SYT1: variants seen among roughly 807,000 people sequenced by gnomAD.
The protein encoded by SYT1 is synaptotagmin-1.
SYT1 carries 8 observed loss-of-function variants against 44.8 expected under a neutral mutation model. The observed-to-expected ratio is 0.18, with a 90% CI of 0.10 to 0.32. The LOEUF (loss-of-function observed/expected upper bound fraction) is 0.32, where lower values mean the gene tolerates loss of function less well. SYT1 is among the 10% of genes least tolerant of loss of function. SYT1 has a pLI of 1.00. For synonymous variants in SYT1, 154 were observed against 188.8 expected (o/e 0.82, Z 1.51); for missense variants, 286 against 509.3 (o/e 0.56, Z 4.22).
chr12:79,083,690 A>C (rs1877190684), intron 3 of SYT1, among the ~76,000 whole-genome samples: 1 of 152,294 alleles, frequency 6.6e-6, no homozygotes, highest in African/African-American at 2.4e-5. Flanking sequence ...GTTTATATAG[A>C]TATCCATATT....
intron 4 of SYT1, among the ~76,000 whole-genome samples, chr12:79,240,365 G>A (rs1161365247): frequency 3.3e-5 from 5 of 152,106 alleles, no homozygotes; most frequent in Non-Finnish European, 7.4e-5. Context: ...TCTTTTTGGT[G>A]TCATTCCATT....
intron 4 of SYT1, among the ~76,000 whole-genome samples, chr12:79,279,107 C>G (rs938422600): frequency 6.6e-6 from 1 of 151,502 alleles, no homozygotes; most frequent in African/African-American, 2.4e-5. Flanking sequence ...TCAATCCTAC[C>G]GAAACTACTC....
intron 4 of SYT1, among the ~76,000 whole-genome samples, chr12:79,225,431 C>T (rs922835109): frequency 6.6e-6 from 1 of 152,148 alleles, no homozygotes; most frequent in African/African-American, 2.4e-5. Flanking sequence ...ACATCGAACA[C>T]TAGAATGGGA....
chr12:78,942,812 G>A (rs980794047), intron 1 of SYT1, among the ~76,000 whole-genome samples: 7 of 152,096 alleles, frequency 4.6e-5, no homozygotes, highest in Non-Finnish European at 8.8e-5. Context: ...GCCGAGGGTC[G>A]ACAGAAAGGA....
At chr12:78,883,892 T>A (rs1458408064) in intron 1 of SYT1, among the ~76,000 whole-genome samples, 2 of 151,640 alleles carry the variant, frequency 1.3e-5, no homozygotes, top group South Asian at 4.1e-4. Flanking sequence ...ACTATACACA[T>A]GAAAGTGATA....
At chr12:79,104,564 G>GGCAAGGATCTCTTTATTC (rs1878610230) in intron 3 of SYT1, among the ~76,000 whole-genome samples, 1 of 151,892 alleles carries the variant, frequency 6.6e-6, no homozygotes, top group Non-Finnish European at 1.5e-5. Flanking sequence ...GCTATTAATA[G>GGCAAGGATCTCTTTATTC]GCAAGGATCT....
At chr12:79,370,620 G>A (rs1036105956) in intron 9 of SYT1, among the ~76,000 whole-genome samples, 26 of 152,030 alleles carry the variant, frequency 1.7e-4, no homozygotes, top group Non-Finnish European at 7.4e-5. Context: ...AAATTTAGCC[G>A]GGCATGGTGA....
At chr12:79,337,002 C>T (rs1216106029) in intron 8 of SYT1, among the ~76,000 whole-genome samples, 2 of 151,980 alleles carry the variant, frequency 1.3e-5, no homozygotes, top group East Asian at 3.9e-4. Context: ...TAGCTCTTCT[C>T]TCCTCACCAT....
chr12:79,035,331 A>T (rs185105189), intron 2 of SYT1, among the ~76,000 whole-genome samples: 1 of 151,784 alleles, frequency 6.6e-6, no homozygotes, highest in Non-Finnish European at 1.5e-5. Context: ...GAATCCATTT[A>T]TGTTCATTGT....
At chr12:79,430,354 C>CA (rs1217202811) in intron 9 of SYT1, among the ~76,000 whole-genome samples, 7 of 152,180 alleles carry the variant, frequency 4.6e-5, no homozygotes, top group Non-Finnish European at 1.0e-4. Flanking sequence ...TTTCCTACTA[C>CA]AAAAAATATG....
intron 3 of SYT1, among the ~76,000 whole-genome samples, chr12:79,056,346 C>T (rs1874943313): frequency 1.3e-5 from 2 of 151,992 alleles, no homozygotes; most frequent in South Asian, 2.1e-4. Flanking sequence ...TGGGAGGAGT[C>T]CATCAGGAGC....
intron 9 of SYT1, among the ~76,000 whole-genome samples, chr12:79,378,177 G>A (rs1254256432): frequency 6.6e-6 from 1 of 152,062 alleles, no homozygotes; most frequent in Non-Finnish European, 1.5e-5. Context: ...TCTTCTATTA[G>A]AAATCTTTGC....
intron 1 of SYT1, among the ~76,000 whole-genome samples, chr12:78,925,152 C>A (rs1877234365): frequency 1.3e-5 from 2 of 151,896 alleles, no homozygotes; most frequent in African/African-American, 2.4e-5. Context: ...ACTGACGCCT[C>A]CAAAATCAAC....
chr12:79,024,327 A>G (rs1033752069), intron 2 of SYT1, among the ~76,000 whole-genome samples: 1 of 151,782 alleles, frequency 6.6e-6, no homozygotes, highest in Non-Finnish European at 1.5e-5. Flanking sequence ...GTTTGTGCCT[A>G]TTGACTAATG....
At chr12:79,345,309 T>A (rs995097087) in intron 8 of SYT1, among the ~76,000 whole-genome samples, 3 of 148,622 alleles carry the variant, frequency 2.0e-5, no homozygotes, top group African/African-American at 7.8e-5. Flanking sequence ...ATCTCTAAAG[T>A]CCCCCTCTCC....
chr12:78,888,007 TAAAGTA>T (rs1410905436), intron 1 of SYT1, among the ~76,000 whole-genome samples: 1 of 151,902 alleles, frequency 6.6e-6, no homozygotes, highest in Admixed American at 6.6e-5. Context: ...ATAGACAATT[TAAAGTA>T]AGAGATTTTC....
intron 3 of SYT1, among the ~76,000 whole-genome samples, chr12:79,139,320 A>T (rs1451813100): frequency 6.6e-6 from 1 of 152,214 alleles, no homozygotes; most frequent in Non-Finnish European, 1.5e-5. Context: ...AGGGAGCTTC[A>T]TTCTGAACTC....
chr12:79,079,863 G>GTTTAT (rs1876908154), intron 3 of SYT1, among the ~76,000 whole-genome samples: 1 of 151,972 alleles, frequency 6.6e-6, no homozygotes, highest in African/African-American at 2.4e-5. Context: ...CATGAAAAAT[G>GTTTAT]GGCCATCTGT....
rs2136212763 is a variant in SYT1, at chr12:79,449,348, T to C, written c.*224T>C. On this transcript the variant is annotated 3_prime_UTR_variant, in exon 11 of 11. Transcript: ENST00000261205. ...AAATCTACTCTTCTTTTAAGCAATA[T>C]GATGTGTAGATAGAGCATGAATGAA... 1 of 551,004 alleles carries C rather than the reference T, an allele frequency of 1.8e-6. No individual in the cohort carries two copies. Among genetic ancestry groups the C allele is most frequent in the Admixed American group, 3.2e-5 (1 of 31,722 alleles). 34.1% of individuals were successfully genotyped at this position (551,004 alleles called of 1,614,324 possible). A position where few individuals can be genotyped will look rare whatever the true frequency, so the allele number is the denominator to read the frequency against.
Sources: allele counts gnomAD v4.1 joint callset (sites outside exome capture counted in the v4.1 genomes callset), GRCh38; gene constraint gnomAD v4.1.1; transcripts MANE v1.5; gene names NCBI Gene and HGNC (gene_info 2026-07-23, HGNC 2026-07-21).